CCDC91: variants seen among roughly 807,000 people sequenced by gnomAD.
CCDC91 encodes coiled-coil domain containing 91.
Under a neutral mutation model 63.2 loss-of-function variants are expected in CCDC91, and 48 were observed. That is an observed-to-expected ratio of 0.76 (90% CI 0.60 to 0.97). The LOEUF is 0.97. Among genes scored for constraint, CCDC91 ranks in the 50% least tolerant of loss-of-function variants. The pLI is 0.00. For missense variants in CCDC91, 500 were observed against 494.6 expected (o/e 1.01, Z -0.10); for synonymous variants, 167 against 165.8 (o/e 1.01, Z -0.06).
intron 6 of CCDC91, among the ~76,000 whole-genome samples, chr12:28,355,986 G>A (rs1355815166): frequency 6.6e-6 from 1 of 152,004 alleles, no homozygotes; most frequent in Non-Finnish European, 1.5e-5. Flanking sequence ...ATTTCCATTT[G>A]TAATATTTAT....
intron 11 of CCDC91, among the ~76,000 whole-genome samples, chr12:28,464,020 G>GTC (rs1200789688): frequency 6.6e-6 from 1 of 152,148 alleles, no homozygotes; most frequent in Non-Finnish European, 1.5e-5. Context: ...TCCAGAGAGT[G>GTC]TCTCTCTGCC....
chr12:28,515,762 G>A (rs762297989), intron 12 of CCDC91, among the ~76,000 whole-genome samples: 10 of 151,686 alleles, frequency 6.6e-5, no homozygotes, highest in Admixed American at 2.6e-4. Context: ...ACTCAGTTTC[G>A]TTTAACATAG....
At chr12:28,501,315 C>A (rs996368284) in intron 12 of CCDC91, among the ~76,000 whole-genome samples, 4 of 151,798 alleles carry the variant, frequency 2.6e-5, no homozygotes, top group African/African-American at 9.7e-5. Context: ...CCAGTTTTTG[C>A]CCATTCAGTA....
chr12:28,480,537 T>C (rs79509298), intron 11 of CCDC91, among the ~76,000 whole-genome samples: 1,752 of 152,140 alleles, frequency 0.012, 39 homozygotes, highest in African/African-American at 0.041. Context: ...AATGAATGTA[T>C]GAACAGAGTT....
At chr12:28,273,595 G>C (rs890731787) in intron 3 of CCDC91, among the ~76,000 whole-genome samples, 2 of 152,128 alleles carry the variant, frequency 1.3e-5, no homozygotes, top group African/African-American at 4.8e-5. Context: ...GGCCAGTGAT[G>C]ATGAGCATTT....
chr12:28,323,946 G>T (rs748444623), intron 6 of CCDC91, among the ~76,000 whole-genome samples: 41 of 151,954 alleles, frequency 2.7e-4, no homozygotes, highest in Middle Eastern at 3.4e-3. Context: ...TGAAAATTTT[G>T]TTAGAAACTG....
intron 3 of CCDC91, among the ~76,000 whole-genome samples, chr12:28,292,730 T>C (rs1335785024): frequency 1.3e-5 from 2 of 152,160 alleles, no homozygotes; most frequent in East Asian, 3.8e-4. Flanking sequence ...CACAAGAATG[T>C]AGTATATAAA....
At chr12:28,335,285 T>A (rs1592343494) in intron 6 of CCDC91, among the ~76,000 whole-genome samples, 1 of 136,442 alleles carries the variant, frequency 7.3e-6, no homozygotes. Flanking sequence ...TAATACATAT[T>A]ATATATAATA....
intron 6 of CCDC91, among the ~76,000 whole-genome samples, chr12:28,358,956 C>T (rs11049551): frequency 0.2 from 30,822 of 152,048 alleles, 4,093 homozygotes; most frequent in Non-Finnish European, 0.3. Flanking sequence ...AGTGCAGTGG[C>T]GCGATCTCGG....
intron 8 of CCDC91, among the ~76,000 whole-genome samples, chr12:28,407,560 A>G (rs1278742413): frequency 6.6e-6 from 1 of 152,156 alleles, no homozygotes; most frequent in East Asian, 1.9e-4. Flanking sequence ...TTATTTTACA[A>G]AGTTGTTTTG....
At chr12:28,239,613 A>G (rs1945198652) in intron 1 of CCDC91, among the ~76,000 whole-genome samples, 1 of 152,194 alleles carries the variant, frequency 6.6e-6, no homozygotes, top group Non-Finnish European at 1.5e-5. Flanking sequence ...AGGAAATATA[A>G]TAAAGTGTAT....
chr12:28,413,950 T>G (rs2139769435), intron 8 of CCDC91, among the ~76,000 whole-genome samples: 1 of 152,334 alleles, frequency 6.6e-6, no homozygotes, highest in Non-Finnish European at 1.5e-5. Flanking sequence ...CTACGATCTC[T>G]TTCCCTTTTT....
chr12:28,343,984 A>G (rs574535965), intron 6 of CCDC91, among the ~76,000 whole-genome samples: 31 of 152,268 alleles, frequency 2.0e-4, no homozygotes, highest in Middle Eastern at 3.4e-3. Context: ...AGCATCTGAA[A>G]GATGTGATTC....
intron 1 of CCDC91, among the ~76,000 whole-genome samples, chr12:28,233,250 AT>A (rs1328552883): frequency 1.3e-5 from 2 of 151,850 alleles, no homozygotes; most frequent in Non-Finnish European, 2.9e-5. Flanking sequence ...TCTCCATACC[AT>A]TCTCCCCCAA....
At chr12:28,219,909 A>G (rs968935344) in intron 1 of CCDC91, among the ~76,000 whole-genome samples, 2 of 152,160 alleles carry the variant, frequency 1.3e-5, no homozygotes, top group Admixed American at 1.3e-4. Flanking sequence ...GTATAATATG[A>G]ATATAGACAT....
At chr12:28,325,657 G>T (rs1340176059) in intron 6 of CCDC91, among the ~76,000 whole-genome samples, 1 of 151,814 alleles carries the variant, frequency 6.6e-6, no homozygotes, top group Non-Finnish European at 1.5e-5. Flanking sequence ...AGTTGAAGAT[G>T]GCAAGAAGAG....
At chr12:28,429,194 C>T (rs1243340168) in intron 8 of CCDC91, among the ~76,000 whole-genome samples, 1 of 152,074 alleles carries the variant, frequency 6.6e-6, no homozygotes, top group Admixed American at 6.6e-5. Context: ...ATTAGTTTCC[C>T]AATAATGTTT....
chr12:28,213,351 T>C (rs949039862), intron 1 of CCDC91, among the ~76,000 whole-genome samples: 8 of 152,316 alleles, frequency 5.3e-5, no homozygotes, highest in Middle Eastern at 3.4e-3. Context: ...CATGAAGACA[T>C]GTACTACACT....
intron 8 of CCDC91, among the ~76,000 whole-genome samples, chr12:28,445,956 T>G (rs572781124): frequency 6.6e-6 from 1 of 152,252 alleles, no homozygotes; most frequent in South Asian, 2.1e-4. Context: ...ATTTATTCCT[T>G]AACACACATC....
Sources: gnomAD v4.1 joint callset for allele counts (sites outside exome capture counted in the v4.1 genomes callset) on GRCh38, gnomAD v4.1.1 for gene constraint, MANE v1.5 for transcripts, NCBI Gene and HGNC (gene_info 2026-07-23, HGNC 2026-07-21) for gene names.